DDAH1: variants seen among roughly 807,000 people sequenced by gnomAD.
DDAH1 encodes the protein dimethylarginine dimethylaminohydrolase 1.
Under a neutral mutation model 28.8 loss-of-function variants are expected in DDAH1, and 19 were observed. That is an observed-to-expected ratio of 0.66 (90% CI 0.46 to 0.97). The LOEUF (loss-of-function observed/expected upper bound fraction) is 0.97, where lower values mean the gene tolerates loss of function less well. DDAH1 is among the 50% of genes least tolerant of loss of function. DDAH1 has a pLI of 0.00. For synonymous variants in DDAH1, 153 were observed against 154.4 expected (o/e 0.99, Z 0.07); for missense variants, 326 against 375.9 (o/e 0.87, Z 1.10).
Position 85,571,600 on chromosome 1 carries a change from T to C in DDAH1, c.-123+6384A>G, listed in dbSNP as rs117493612. ...TATTATTCCTCTTTGCATTGCTGCC[T>C]AGCATGCAGCATGCCATACATGTTA... On this transcript the variant is annotated intron_variant, in intron 1 of 6. Coordinates refer to the DDAH1 transcript ENST00000426972. Among the ~76,000 whole-genome samples, 247 of 152,330 alleles carry C rather than the reference T, an allele frequency of 1.6e-3. 4 individuals carry two copies. The South Asian group carries it at 0.023, about 14-fold the overall frequency.
chr1:85,344,561 T>TTCCCTCCCTTCATCCTTCCCTCCCTTCCC (rs1648719393), intron 4 of DDAH1, among the ~76,000 whole-genome samples: 1 of 105,774 alleles, frequency 9.5e-6, no homozygotes, highest in Non-Finnish European at 2.3e-5. Flanking sequence ...CCTCTCTCCC[T>TTCCCTCCCTTCATCCTTCCCTCCCTTCCC]TCCCTCCCTT....
chr1:85,415,127 G>GC (rs1280837065), intron 1 of DDAH1, among the ~76,000 whole-genome samples: 1 of 142,014 alleles, frequency 7.0e-6, no homozygotes, highest in East Asian at 2.2e-4. Flanking sequence ...TGATTCTCCT[G>GC]CCTCAGCCTC....
chr1:85,425,709 G>A lies in DDAH1; in HGVS notation c.303+39034C>T, dbSNP rs58870447. On this transcript the variant is annotated intron_variant, in intron 1 of 5. Transcript: ENST00000284031. Reference sequence around the variant, plus strand: ...TTTCCCTCCAAAACACACATATTTAGTTTTGGCTGGTAGGTTATTTTGTTT... The same window carrying A: ...TTTCCCTCCAAAACACACATATTTAATTTTGGCTGGTAGGTTATTTTGTTT... Among the ~76,000 whole-genome samples, 342 of 152,230 alleles carry A rather than the reference G, an allele frequency of 2.2e-3. 1 individual carries two copies. The highest frequency in any genetic ancestry group is 7.8e-3 in the African/African-American group (325 of 41,568).
At chr1:85,443,214 G>C (rs1654279542) in intron 1 of DDAH1, among the ~76,000 whole-genome samples, 1 of 152,146 alleles carries the variant, frequency 6.6e-6, no homozygotes, top group South Asian at 2.1e-4. Context: ...TGAGGTGTAA[G>C]GAAGGGATCC....
intron 4 of DDAH1, among the ~76,000 whole-genome samples, chr1:85,348,371 G>C (rs1170259453): frequency 6.6e-6 from 1 of 152,078 alleles, no homozygotes; most frequent in African/African-American, 2.4e-5. Flanking sequence ...CAACATCTCT[G>C]AAACAATGCA....
At chr1:85,490,068 T>C (rs1337901782) in intron 2 of DDAH1, among the ~76,000 whole-genome samples, 1 of 152,042 alleles carries the variant, frequency 6.6e-6, no homozygotes, top group Non-Finnish European at 1.5e-5. Flanking sequence ...TGAAGAGAGA[T>C]AGTTGAAAAT....
chr1:85,337,067 A>G (rs1648178671), intron 4 of DDAH1, among the ~76,000 whole-genome samples: 1 of 152,266 alleles, frequency 6.6e-6, no homozygotes, highest in African/African-American at 2.4e-5. Context: ...ATTAATAAAC[A>G]TGATATATTG....
intron 1 of DDAH1, among the ~76,000 whole-genome samples, chr1:85,565,388 G>T (rs555619005): frequency 6.6e-6 from 1 of 151,926 alleles, no homozygotes; most frequent in Non-Finnish European, 1.5e-5. Flanking sequence ...ATAAAACAAC[G>T]GGTTAAAACC....
intron 1 of DDAH1, among the ~76,000 whole-genome samples, chr1:85,438,888 G>A (rs1325607913): frequency 6.6e-6 from 1 of 152,136 alleles, no homozygotes; most frequent in Non-Finnish European, 1.5e-5. Flanking sequence ...AGTAGTGAAG[G>A]TGAATAAAAA....
At chr1:85,396,208 T>C (rs1028921458) in intron 1 of DDAH1, among the ~76,000 whole-genome samples, 3 of 152,202 alleles carry the variant, frequency 2.0e-5, no homozygotes, top group Admixed American at 2.0e-4. Flanking sequence ...AGTCTCCTTG[T>C]CTTAGTCCCT....
chr1:85,530,327 G>A (rs1437961664), intron 1 of DDAH1, among the ~76,000 whole-genome samples: 1 of 152,208 alleles, frequency 6.6e-6, no homozygotes, highest in African/African-American at 2.4e-5. Context: ...CCAGGTGGAT[G>A]CAAATGGCAC....
chr1:85,439,059 T>C (rs1654074308), intron 1 of DDAH1, among the ~76,000 whole-genome samples: 1 of 152,212 alleles, frequency 6.6e-6, no homozygotes, highest in African/African-American at 2.4e-5. Context: ...TAATATCAAA[T>C]TCATAGAGTT....
chr1:85,422,678 G>A (rs1322907924), intron 1 of DDAH1, among the ~76,000 whole-genome samples: 2 of 152,168 alleles, frequency 1.3e-5, no homozygotes, highest in Non-Finnish European at 2.9e-5. Flanking sequence ...TGGTGCTATG[G>A]ACTGAATTGA....
At chr1:85,529,605 C>A (rs1336789883) in intron 1 of DDAH1, among the ~76,000 whole-genome samples, 1 of 97,800 alleles carries the variant, frequency 1.0e-5, no homozygotes, top group Non-Finnish European at 2.2e-5. Flanking sequence ...GTTCCACCCC[C>A]ATTCCCACCT....
rs531311849 is a variant in DDAH1, at chr1:85,528,846, C to T, written c.-122-32565G>A. Among the ~76,000 whole-genome samples the T allele has an allele frequency of 1.8e-4, 28 of 151,850 alleles. 1 individual carries two copies. The South Asian group carries it at 3.8e-3, about 20-fold the overall frequency. ...AAAATTAGCTGGGCATGGTGGCACA[C>T]GCCTGTAATTCCAGCTACTCAAGAG... On this transcript the variant is annotated intron_variant, in intron 1 of 6. Coordinates refer to the DDAH1 transcript ENST00000426972.
intron 1 of DDAH1, among the ~76,000 whole-genome samples, chr1:85,437,971 T>C (rs1274019645): frequency 1.3e-5 from 2 of 152,212 alleles, no homozygotes; most frequent in Non-Finnish European, 1.5e-5. Context: ...ATGTGGTACA[T>C]ATACACTATG....
chr1:85,321,595 G>GAAAAGAAGGA, intron 5 of DDAH1, 27 bp from the exon 6 acceptor site: 4 of 1,509,114 alleles, frequency 2.7e-6, no homozygotes, highest in Non-Finnish European at 2.8e-6. Flanking sequence ...GGAAAAGGAA[G>GAAAAGAAGGA]AAAAGAAGGA....
At chr1:85,461,734 A>G (rs1035937192) in intron 1 of DDAH1, among the ~76,000 whole-genome samples, 2 of 152,232 alleles carry the variant, frequency 1.3e-5, no homozygotes, top group East Asian at 3.8e-4. Context: ...CAATACAGAC[A>G]TGATCCTAGC....
chr1:85,576,976 A>ACCGCCACCGCCACCGCCC (rs1659628503), intron 1 of DDAH1: 1 of 154,100 alleles, frequency 6.5e-6, no homozygotes, highest in Non-Finnish European at 1.4e-5. Context: ...CGCCACCGCC[A>ACCGCCACCGCCACCGCCC]CCGCCACCGC....
Sources: gnomAD v4.1 joint callset for allele counts (sites outside exome capture counted in the v4.1 genomes callset) on GRCh38, gnomAD v4.1.1 for gene constraint, MANE v1.5 for transcripts, NCBI Gene and HGNC (gene_info 2026-07-23, HGNC 2026-07-21) for gene names.